The following NEBL variants were observed in gnomAD, a reference collection of about 807,000 sequenced individuals.
NEBL encodes nebulette.
In NEBL, 122 loss-of-function variants were observed where a neutral mutation model predicts 140.2. The ratio of observed to expected loss-of-function variants is 0.87; its 90% CI spans 0.75 to 1.01. The LOEUF is 1.01. NEBL is among the 50% of genes least tolerant of loss of function. The probability of loss-of-function intolerance (pLI) is 0.00; values close to 1 mark genes in which losing one functional copy is unlikely to be tolerated. For missense variants in NEBL, 1,365 were observed against 1,231.3 expected (o/e 1.11, Z -1.62); for synonymous variants, 436 against 398.9 (o/e 1.09, Z -1.11).
intron 2 of NEBL, among the ~76,000 whole-genome samples, chr10:21,119,367 C>T (rs1035536391): frequency 1.3e-5 from 2 of 151,572 alleles, no homozygotes; most frequent in African/African-American, 4.8e-5. Context: ...GGCATATTTG[C>T]TTTATATACA....
At chr10:20,868,489 T>G (rs1361052716) in intron 7 of NEBL, 175 bp downstream of exon 7, 7 of 607,500 alleles carry the variant, frequency 1.2e-5, no homozygotes, top group Non-Finnish European at 1.8e-5. Flanking sequence ...TAGACTTAAT[T>G]TTTTTCCTTT....
At chr10:20,858,487 C>T (rs1843326809) in intron 8 of NEBL, 143 bp from the exon 9 acceptor site, 1 of 719,334 alleles carries the variant, frequency 1.4e-6, no homozygotes, top group Non-Finnish European at 2.4e-6. Context: ...CTAGATGGTG[C>T]TGATTTACTA....
In NEBL at chr10:21,112,429, G is replaced by T. The variant is rs12221281; in HGVS notation, c.164+59954C>A. On this transcript the variant is annotated intron_variant, in intron 2 of 6. Coordinates refer to the NEBL transcript ENST00000417816. ...ACAACCATAAAAAAGTTGAGTTCAT[G>T]TCCTTTGCAGGGACATGGATGAAGC... Among the ~76,000 whole-genome samples the T allele has an allele frequency of 5.4e-3, 826 of 152,214 alleles. 21 individuals carry two copies. The East Asian group carries it at 0.066, about 12-fold the overall frequency.
intron 2 of NEBL, among the ~76,000 whole-genome samples, chr10:21,158,953 T>G (rs1281902994): frequency 6.6e-6 from 1 of 152,192 alleles, no homozygotes; most frequent in Non-Finnish European, 1.5e-5. Flanking sequence ...ACCCACTTTG[T>G]CTTTAGAATT....
chr10:21,101,473 A>G (rs1442845805), intron 2 of NEBL, among the ~76,000 whole-genome samples: 1 of 152,258 alleles, frequency 6.6e-6, no homozygotes, highest in African/African-American at 2.4e-5. Flanking sequence ...TGGACATGAT[A>G]AGAGCCACTG....
chr10:20,981,720 TGG>T (rs1837051796), intron 3 of NEBL, among the ~76,000 whole-genome samples: 1 of 152,194 alleles, frequency 6.6e-6, no homozygotes, highest in Admixed American at 6.5e-5. Context: ...TCTCTTCCAC[TGG>T]ACTGACAGCT....
intron 2 of NEBL, among the ~76,000 whole-genome samples, chr10:21,115,550 A>G (rs1241372569): frequency 6.6e-6 from 1 of 151,200 alleles, no homozygotes; most frequent in Non-Finnish European, 1.5e-5. Context: ...TTTTTCTTTC[A>G]GTGCCTTAAA....
intron 4 of NEBL, among the ~76,000 whole-genome samples, chr10:20,883,100 A>C (rs1846171185): frequency 1.3e-5 from 2 of 152,176 alleles, no homozygotes; most frequent in African/African-American, 4.8e-5. Flanking sequence ...CTCTTTCTTA[A>C]GGTGCTCACA....
chr10:21,081,011 C>T (rs939868109), intron 2 of NEBL, among the ~76,000 whole-genome samples: 4 of 152,064 alleles, frequency 2.6e-5, no homozygotes, highest in Admixed American at 6.6e-5. Flanking sequence ...TGCACCACCA[C>T]GCCTAGCTAA....
intron 1 of NEBL, among the ~76,000 whole-genome samples, chr10:21,259,645 T>A (rs1842711568): frequency 6.6e-6 from 1 of 152,176 alleles, no homozygotes; most frequent in Admixed American, 6.6e-5. Context: ...GTCTTCCTGG[T>A]GGCAAAGCCT....
intron 4 of NEBL, among the ~76,000 whole-genome samples, chr10:20,960,186 T>C (rs1320671714): frequency 6.6e-6 from 1 of 152,122 alleles, no homozygotes; most frequent in East Asian, 1.9e-4. Flanking sequence ...TTGTTGAAGA[T>C]GTATAATATA....
chr10:21,035,364 A>G (rs183318432), intron 2 of NEBL, among the ~76,000 whole-genome samples: 1 of 149,454 alleles, frequency 6.7e-6, no homozygotes, highest in East Asian at 2.0e-4. Context: ...TTACAACAGT[A>G]TGTGTTAAAG....
intron 3 of NEBL, among the ~76,000 whole-genome samples, chr10:21,232,993 A>T (rs1014470185): frequency 1.3e-5 from 2 of 152,216 alleles, no homozygotes; most frequent in Non-Finnish European, 2.9e-5. Context: ...ATACTTGCTG[A>T]GCAATTGAAG....
In NEBL at chr10:20,784,962, T is replaced by G. The variant is rs1385924477; in HGVS notation, c.*785A>C. The G allele has an allele frequency of 6.6e-6, 1 of 152,668 alleles. No homozygotes were observed. Among genetic ancestry groups the G allele is most frequent in the Non-Finnish European group, 1.5e-5 (1 of 68,052 alleles). 9.5% of individuals were successfully genotyped at this position (152,668 alleles called of 1,614,324 possible). A position where few individuals can be genotyped will look rare whatever the true frequency, so the allele number is the denominator to read the frequency against. ...GTGCAGCTGCCTATGTTACAGAAGC[T>G]TGAATCTACATGACATGCAACAGGG... is the stretch of plus-strand genomic sequence containing the variant. On this transcript the variant is annotated 3_prime_UTR_variant, in exon 28 of 28. Transcript: ENST00000377122.
intron 3 of NEBL, among the ~76,000 whole-genome samples, chr10:21,234,396 A>ACCTTCTCTCTCATGCG (rs1263215810): frequency 1.3e-5 from 2 of 151,502 alleles, no homozygotes; most frequent in African/African-American, 4.9e-5. Context: ...TCTCTCATGC[A>ACCTTCTCTCTCATGCG]CCCTCTCTCT....
chr10:21,261,267 G>A (rs1842736746), intron 1 of NEBL, among the ~76,000 whole-genome samples: 1 of 152,144 alleles, frequency 6.6e-6, no homozygotes, highest in Admixed American at 6.6e-5. Context: ...TCCCAGAAGA[G>A]TCTCTAAAAA....
chr10:21,110,701 T>G (rs770985405), intron 2 of NEBL: 2 of 492,558 alleles, frequency 4.1e-6, no homozygotes, highest in South Asian at 1.5e-5. Context: ...TCAGTGGACA[T>G]GGACATGAGC....
chr10:20,969,573 T>C (rs1836478914), intron 3 of NEBL, among the ~76,000 whole-genome samples: 1 of 138,896 alleles, frequency 7.2e-6, no homozygotes, highest in Non-Finnish European at 1.5e-5. Flanking sequence ...TGAGACAGAG[T>C]CTCTCTCTGT....
At chr10:20,938,151 T>C (rs1008194833) in intron 4 of NEBL, among the ~76,000 whole-genome samples, 1 of 152,140 alleles carries the variant, frequency 6.6e-6, no homozygotes, top group Non-Finnish European at 1.5e-5. Flanking sequence ...CTAAAGTGGG[T>C]CCCTGACCCC....
Sources: allele counts gnomAD v4.1 joint callset (sites outside exome capture counted in the v4.1 genomes callset), GRCh38; gene constraint gnomAD v4.1.1; transcripts MANE v1.5; gene names NCBI Gene and HGNC (gene_info 2026-07-23, HGNC 2026-07-21).